Variants in BIN1 observed in about 807,000 individuals in gnomAD.
BIN1 encodes myc box-dependent-interacting protein 1.
BIN1 carries 53 observed loss-of-function variants against 82.0 expected under a neutral mutation model. The observed-to-expected ratio is 0.65, with a 90% CI of 0.52 to 0.81. BIN1 has a LOEUF of 0.81. Among genes scored for constraint, BIN1 ranks in the 40% least tolerant of loss-of-function variants. BIN1 has a pLI of 0.00. For synonymous variants in BIN1, 302 were observed against 328.0 expected, an observed-to-expected ratio of 0.92 and a Z score of 0.86; for missense variants, 642 against 784.4, an observed-to-expected ratio of 0.82 and a Z score of 2.17.
chr2:127,080,895 G>T (rs1431690787), intron 1 of BIN1, among the ~76,000 whole-genome samples: 1 of 152,214 alleles, frequency 6.6e-6, no homozygotes, highest in African/African-American at 2.4e-5. Flanking sequence ...CCCTCCCAAG[G>T]CTCCTCCCTA....
rs1683814608 is a variant in BIN1 at position 127,057,275 on chromosome 2, C to T, written c.1131+198G>A. ...TCCCCTCTGTGGCCCTGCATCTGGC[C>T]TTAGTACATGCTCAGAGATGGGTGA... is the stretch of plus-strand genomic sequence containing the variant. On this transcript the variant is annotated intron_variant, in intron 12 of 18. Transcript: ENST00000316724. This position sits in a 1 kb window ranked among gnomAD's most constrained non-coding sequence, Gnocchi z 5.0. Among the ~76,000 whole-genome samples the T allele has an allele frequency of 6.6e-6, 1 of 152,194 alleles. No individual in the cohort carries two copies.
chr2:127,105,503 T>TCCTCCTCCTCCTCCTCCTCC (rs1480065007), intron 1 of BIN1, among the ~76,000 whole-genome samples: 24 of 137,882 alleles, frequency 1.7e-4, no homozygotes, highest in South Asian at 2.7e-4. Flanking sequence ...CTCCTCCTCC[T>TCCTCCTCCTCCTCCTCCTCC]TCCCTGGGGT....
At chr2:127,074,849 C>T (rs1686385323) in intron 2 of BIN1, among the ~76,000 whole-genome samples, 1 of 152,208 alleles carries the variant, frequency 6.6e-6, no homozygotes, top group Non-Finnish European at 1.5e-5. Context: ...ACTACAGGCA[C>T]ACACCACCAC....
chr2:127,059,679 T>C lies in BIN1; in HGVS notation c.858-524A>G, dbSNP rs1407057125. On this transcript the variant is annotated intron_variant, in intron 10 of 18. Transcript: ENST00000316724. The surrounding 1 kb of genome is among the most constrained non-coding windows in gnomAD (Gnocchi z 6.7). The stretch of plus-strand genomic sequence containing the variant: ...ACATGTCTCTAGACCTTGGCTCTCC[T>C]GTCCTCTCGGCTGCTGGAGGCCACA... Among the ~76,000 whole-genome samples, 2 of 152,170 alleles carry C rather than the reference T, an allele frequency of 1.3e-5. No homozygotes were observed. Among genetic ancestry groups the C allele is most frequent in the African/African-American group, 4.8e-5 (2 of 41,434 alleles).
At chr2:127,095,086 C>G (rs1679422191) in intron 1 of BIN1, among the ~76,000 whole-genome samples, 1 of 152,218 alleles carries the variant, frequency 6.6e-6, no homozygotes, top group African/African-American at 2.4e-5. Context: ...TAAATAAACT[C>G]CTGGCTTGGT....
Position 127,063,605 on chromosome 2 carries a change from C to A in BIN1, c.740G>T (p.Gly247Val). ...FYVNTFQSIA[G>V]LEENFHKEMS... Reference sequence around the variant, plus strand: ...CTCCTTGTGGAAGTTTTCCTCCAGGCCCGCGATGCTCTGGAACGTGTTGAC... The same window carrying A: ...CTCCTTGTGGAAGTTTTCCTCCAGGACCGCGATGCTCTGGAACGTGTTGAC... The change falls in exon 9 of 19, where the codon GGC becomes GTC. Residue 247 changes from glycine (G) to valine (V), a missense_variant. Coordinates refer to ENST00000316724, the MANE Select transcript of BIN1 (RefSeq NM_139343.3). 6.2e-7 allele frequency: 1 copy of A among 1,614,038 alleles called. No individual in the cohort carries two copies. Among genetic ancestry groups the A allele is most frequent in the South Asian group, 1.1e-5 (1 of 91,042 alleles).
intron 10 of BIN1, chr2:127,060,691 T>G (rs1684332905): frequency 6.2e-7 from 1 of 1,609,504 alleles, no homozygotes. Flanking sequence ...AAAGGCCAGG[T>G]GCAGAACTGG....
At chr2:127,062,250 C>T in intron 9 of BIN1, 53 bp from the exon 10 acceptor site, 1 of 1,525,952 alleles carries the variant, frequency 6.6e-7, no homozygotes, top group Admixed American at 1.9e-5. Context: ...CCAAACGGCC[C>T]CACCTTCCCC....
intron 11 of BIN1, among the ~76,000 whole-genome samples, chr2:127,058,466 C>A (rs1205505224): frequency 6.6e-6 from 1 of 152,142 alleles, no homozygotes; most frequent in Non-Finnish European, 1.5e-5. Context: ...CTGGAGGGCC[C>A]GCTGGGGGCA....
intron 2 of BIN1, among the ~76,000 whole-genome samples, 190 bp downstream of exon 2, chr2:127,076,435 AC>A (rs1249085426): frequency 6.8e-6 from 1 of 146,658 alleles, no homozygotes; most frequent in Non-Finnish European, 1.5e-5. Context: ...AAGCATACAT[AC>A]CCCATCCCTC....
intron 1 of BIN1, among the ~76,000 whole-genome samples, chr2:127,099,245 C>T (rs896752973): frequency 6.6e-6 from 1 of 152,144 alleles, no homozygotes; most frequent in African/African-American, 2.4e-5. Flanking sequence ...GGATGAGATG[C>T]CTTGGTGACC....
rs971720158 is a variant in BIN1 at position 127,067,848 on chromosome 2, C to G, written c.612+315G>C. ...TCGCCTCCCTCCCCAGAGGAGCCCT[C>G]ACAGAGGACAATGGCTCAAAGGCAT... On this transcript the variant is annotated intron_variant, in intron 7 of 18. Transcript: ENST00000316724. The surrounding 1 kb of genome is among the most constrained non-coding windows in gnomAD (Gnocchi z 4.7). 5.3e-5 allele frequency among the ~76,000 whole-genome samples: 8 copies of G among 152,228 alleles called. No homozygotes were observed. Among genetic ancestry groups the G allele is most frequent in the Non-Finnish European group, 1.2e-4 (8 of 68,044 alleles).
intron 1 of BIN1, among the ~76,000 whole-genome samples, chr2:127,106,289 G>C (rs1427855664): frequency 6.6e-6 from 1 of 152,254 alleles, no homozygotes; most frequent in Non-Finnish European, 1.5e-5. Context: ...GGCACCTCTC[G>C]GGAAAGGAAA....
intron 1 of BIN1, among the ~76,000 whole-genome samples, chr2:127,085,135 C>T (rs994932162): frequency 2.6e-5 from 4 of 152,150 alleles, no homozygotes; most frequent in East Asian, 1.9e-4. Context: ...ATGAGGGTCC[C>T]AGACTCCTTG....
At chr2:127,094,992 G>T (rs548419874) in intron 1 of BIN1, among the ~76,000 whole-genome samples, 1 of 152,234 alleles carries the variant, frequency 6.6e-6, no homozygotes. Flanking sequence ...TCAACTCGGG[G>T]AAGGCGGTGA....
At chr2:127,089,881 G>A (rs1195499930) in intron 1 of BIN1, among the ~76,000 whole-genome samples, 1 of 152,066 alleles carries the variant, frequency 6.6e-6, no homozygotes, top group Non-Finnish European at 1.5e-5. Flanking sequence ...GATCATGTAG[G>A]TAAGAGGGCC....
rs1685258841 is a variant in BIN1 at position 127,067,220 on chromosome 2, C to G, written c.612+943G>C. 6.6e-6 allele frequency among the ~76,000 whole-genome samples: 1 copy of G among 152,198 alleles called. No individual in the cohort carries two copies. Among genetic ancestry groups the G allele is most frequent in the East Asian group, 1.9e-4 (1 of 5,194 alleles). On this transcript the variant is annotated intron_variant, in intron 7 of 18. Transcript: ENST00000316724. This position sits in a 1 kb window ranked among gnomAD's most constrained non-coding sequence, Gnocchi z 4.7. ...AGCTGCCCAGAGAGAAACCCAACCT[C>G]CGGGGCCGGGCCCCTATCGCCAGCC...
At chr2:127,071,959 G>A (rs146156504) in intron 2 of BIN1, among the ~76,000 whole-genome samples, 8 of 152,298 alleles carry the variant, frequency 5.3e-5, no homozygotes, top group African/African-American at 7.2e-5. Flanking sequence ...GAGGGGACTC[G>A]GGAGAGCGGC....
intron 16 of BIN1, 108 bp from the exon 17 acceptor site, chr2:127,051,020 C>T: frequency 6.7e-7 from 1 of 1,493,180 alleles, no homozygotes; most frequent in Non-Finnish European, 9.3e-7. Context: ...GCGCCTGGTG[C>T]CAGACCGGCC....
Sources: gnomAD v4.1 joint callset for allele counts (sites outside exome capture counted in the v4.1 genomes callset) on GRCh38, gnomAD v4.1.1 for gene constraint, Gnocchi (gnomAD v3.1) non-coding constraint, MANE v1.5 for transcripts, NCBI Gene and HGNC (gene_info 2026-07-23, HGNC 2026-07-21) for gene names.